Variants in EIF3E observed in about 807,000 individuals in gnomAD.
The protein encoded by EIF3E is eukaryotic translation initiation factor 3 subunit E.
EIF3E carries 25 observed loss-of-function variants against 59.3 expected under a neutral mutation model. The observed-to-expected ratio is 0.42, with a 90% confidence interval of 0.31 to 0.59. EIF3E has a LOEUF of 0.59. EIF3E is among the 20% of genes least tolerant of loss of function. The pLI is 0.15. For synonymous variants in EIF3E, 176 were observed against 170.2 expected (o/e 1.03, Z -0.26); for missense variants, 317 against 534.3 (o/e 0.59, Z 4.01).
At chr8:108,239,248 C>T (rs1439610020) in intron 3 of EIF3E, among the ~76,000 whole-genome samples, 1 of 152,134 alleles carries the variant, frequency 6.6e-6, no homozygotes, top group Non-Finnish European at 1.5e-5. Context: ...GGTATTATGA[C>T]ACTGACTCAT....
intron 12 of EIF3E, among the ~76,000 whole-genome samples, 159 bp from the exon 13 acceptor site, chr8:108,202,082 C>T (rs1470899444): frequency 6.6e-6 from 1 of 151,966 alleles, no homozygotes; most frequent in Non-Finnish European, 1.5e-5. Context: ...TCAGATGTCC[C>T]ACTCAGGACA....
chr8:108,207,424 G>A (rs1815124441), intron 10 of EIF3E, among the ~76,000 whole-genome samples: 1 of 152,150 alleles, frequency 6.6e-6, no homozygotes, highest in South Asian at 2.1e-4. Flanking sequence ...TAGTGGCTAG[G>A]GAGAAATAAA....
At chr8:108,244,377 C>T (rs1815905360) in intron 1 of EIF3E, among the ~76,000 whole-genome samples, 1 of 152,180 alleles carries the variant, frequency 6.6e-6, no homozygotes, top group Non-Finnish European at 1.5e-5. Context: ...CTCTTGAAAA[C>T]ATATTACTTT....
At chr8:108,247,234 T>TA (rs1042359918) in intron 1 of EIF3E, among the ~76,000 whole-genome samples, 13 of 151,942 alleles carry the variant, frequency 8.6e-5, no homozygotes, top group East Asian at 5.8e-4. Flanking sequence ...CTGTGTGCCA[T>TA]AAAAAAAATG....
intron 1 of EIF3E, among the ~76,000 whole-genome samples, chr8:108,243,638 G>GAAAAAAAAAAAAAAA (rs779684560): frequency 2.8e-5 from 2 of 70,964 alleles, no homozygotes; most frequent in African/African-American, 4.7e-5. Flanking sequence ...CAAAAAAAAA[G>GAAAAAAAAAAAAAAA]AAAAAAAAAA....
At chr8:108,224,670 C>T (rs1459862015) in intron 7 of EIF3E, among the ~76,000 whole-genome samples, 2 of 151,546 alleles carry the variant, frequency 1.3e-5, no homozygotes, top group African/African-American at 4.9e-5. Flanking sequence ...TTCTTTTCCA[C>T]AGGCTGTTTC....
intron 5 of EIF3E, among the ~76,000 whole-genome samples, chr8:108,230,222 G>GAT (rs1815596107): frequency 6.6e-6 from 1 of 152,074 alleles, no homozygotes; most frequent in Admixed American, 6.6e-5. Flanking sequence ...ATATGTGCAG[G>GAT]ATCAGAAATC....
intron 5 of EIF3E, 115 bp from the exon 6 acceptor site, chr8:108,229,310 A>G (rs1815578156): frequency 9.6e-7 from 1 of 1,042,394 alleles, no homozygotes; most frequent in African/African-American, 1.6e-5. Flanking sequence ...GCTTTCTACA[A>G]AAAACTGTAA....
chr8:108,219,307 G>T (rs1409335347), intron 7 of EIF3E, among the ~76,000 whole-genome samples: 1 of 152,092 alleles, frequency 6.6e-6, no homozygotes, highest in Non-Finnish European at 1.5e-5. Flanking sequence ...GTGTATTTCA[G>T]AAGCCAGCAA....
intron 1 of EIF3E, among the ~76,000 whole-genome samples, chr8:108,245,967 A>C (rs1183582521): frequency 1.3e-5 from 2 of 152,200 alleles, no homozygotes; most frequent in African/African-American, 4.8e-5. Context: ...CTGAAACTGC[A>C]GATAGCCCCA....
chr8:108,230,799 G>A (rs915416553), intron 5 of EIF3E, among the ~76,000 whole-genome samples: 1 of 152,050 alleles, frequency 6.6e-6, no homozygotes, highest in African/African-American at 2.4e-5. Flanking sequence ...ATATTAAACA[G>A]ACCATGGTAA....
intron 10 of EIF3E, among the ~76,000 whole-genome samples, chr8:108,206,817 T>G (rs1433562912): frequency 6.6e-6 from 1 of 152,104 alleles, no homozygotes; most frequent in East Asian, 1.9e-4. Context: ...TAAAAAAAAA[T>G]TCCATCTTAT....
chr8:108,242,538 G>A (rs769995293), intron 1 of EIF3E: 31 of 1,168,438 alleles, frequency 2.7e-5, no homozygotes, highest in Non-Finnish European at 3.0e-5. Flanking sequence ...TTCAGCAAAA[G>A]AAAAGATTTC....
chr8:108,229,363 A>G (rs953417666), intron 5 of EIF3E, 168 bp from the exon 6 acceptor site: 7 of 583,750 alleles, frequency 1.2e-5, no homozygotes, highest in Non-Finnish European at 1.9e-5. Context: ...GTTTCAAAAA[A>G]CCTTTGCTAA....
chr8:108,210,511 CGGATTACAAATTCTT>C (rs1220255358), intron 10 of EIF3E, among the ~76,000 whole-genome samples: 6 of 152,124 alleles, frequency 3.9e-5, no homozygotes, highest in African/African-American at 1.4e-4. Context: ...GTCATTATCA[CGGATTACAAATTCTT>C]GGAGTCCAAA....
At chr8:108,220,227 A>G (rs919020963) in intron 7 of EIF3E, among the ~76,000 whole-genome samples, 3 of 152,182 alleles carry the variant, frequency 2.0e-5, no homozygotes, top group Non-Finnish European at 1.5e-5. Flanking sequence ...CAAGCATATT[A>G]TTTTAATTGA....
intron 7 of EIF3E, among the ~76,000 whole-genome samples, chr8:108,225,274 GA>G (rs1815497070): frequency 1.3e-5 from 2 of 151,508 alleles, no homozygotes; most frequent in Non-Finnish European, 2.9e-5. Flanking sequence ...AGAAAAACTA[GA>G]ATTTTGGAAA....
chr8:108,222,472 G>A (rs73306521), intron 7 of EIF3E, among the ~76,000 whole-genome samples: 3,175 of 152,248 alleles, frequency 0.021, 124 homozygotes, highest in African/African-American at 0.072. Context: ...GAGATTAGAG[G>A]TGATTATTTT....
intron 1 of EIF3E, among the ~76,000 whole-genome samples, chr8:108,245,724 AAAG>A (rs1815935784): frequency 6.6e-6 from 1 of 152,238 alleles, no homozygotes; most frequent in South Asian, 2.1e-4. Flanking sequence ...ACATGAAAAT[AAAG>A]AAGAGTGAGA....
Sources: gnomAD v4.1 joint callset for allele counts (sites outside exome capture counted in the v4.1 genomes callset) on GRCh38, gnomAD v4.1.1 for gene constraint, MANE v1.5 for transcripts, NCBI Gene and HGNC (gene_info 2026-07-23, HGNC 2026-07-21) for gene names.